Variants in FHIT observed in about 807,000 individuals in gnomAD.
FHIT encodes bis(5'-adenosyl)-triphosphatase.
A neutral mutation model predicts 17.9 loss-of-function variants in FHIT; 19 were observed. That is an observed-to-expected ratio of 1.06 (90% CI 0.74 to 1.56). FHIT has a LOEUF of 1.56. FHIT is among the 40% of genes most tolerant of loss of function. The pLI is 0.00. For missense variants in FHIT, 248 were observed against 189.2 expected (o/e 1.31, Z -1.82); for synonymous variants, 81 against 69.7 (o/e 1.16, Z -0.81).
chr3:59,784,840 T>C (rs1198799271), intron 8 of FHIT, among the ~76,000 whole-genome samples: 2 of 152,186 alleles, frequency 1.3e-5, no homozygotes, highest in Non-Finnish European at 2.9e-5. Flanking sequence ...ACTTTTACAG[T>C]TACCTTTTGT....
chr3:61,186,948 G>A (rs965786200), intron 2 of FHIT, among the ~76,000 whole-genome samples: 1 of 152,096 alleles, frequency 6.6e-6, no homozygotes, highest in Non-Finnish European at 1.5e-5. Flanking sequence ...TTTGCCTCTT[G>A]ATGTTTCCTA....
intron 2 of FHIT, among the ~76,000 whole-genome samples, chr3:61,118,933 C>T (rs1161740763): frequency 6.6e-6 from 1 of 152,100 alleles, no homozygotes; most frequent in Non-Finnish European, 1.5e-5. Flanking sequence ...TGAGGGAGAT[C>T]AAATTTCACT....
chr3:60,851,328 A>T (rs925256769), intron 3 of FHIT, among the ~76,000 whole-genome samples: 4 of 152,084 alleles, frequency 2.6e-5, no homozygotes, highest in Non-Finnish European at 4.4e-5. Flanking sequence ...TTGATCAAGG[A>T]TCAGATGAAG....
intron 3 of FHIT, among the ~76,000 whole-genome samples, chr3:60,997,431 T>C (rs540334377): frequency 6.6e-6 from 1 of 152,092 alleles, no homozygotes; most frequent in South Asian, 2.1e-4. Flanking sequence ...AAAAAAAAAA[T>C]CAGAAGATCT....
intron 3 of FHIT, among the ~76,000 whole-genome samples, chr3:60,952,611 T>C (rs1167904373): frequency 6.6e-6 from 1 of 152,092 alleles, no homozygotes; most frequent in African/African-American, 2.4e-5. Context: ...AAAGGCACAT[T>C]AAAATACAAA....
intron 5 of FHIT, among the ~76,000 whole-genome samples, chr3:60,165,041 G>A (rs561444449): frequency 3.3e-5 from 5 of 152,202 alleles, no homozygotes; most frequent in Middle Eastern, 3.4e-3. Flanking sequence ...TCACAGATCC[G>A]AAACCCAGAC....
At chr3:60,435,003 A>G (rs2030081941) in intron 5 of FHIT, among the ~76,000 whole-genome samples, 1 of 152,096 alleles carries the variant, frequency 6.6e-6, no homozygotes, top group African/African-American at 2.4e-5. Flanking sequence ...TTTATTTTAC[A>G]TTGTCTCCAA....
chr3:60,060,829 TCTTATTAATTA>T (rs1318823521), intron 5 of FHIT, among the ~76,000 whole-genome samples: 2 of 152,246 alleles, frequency 1.3e-5, no homozygotes, highest in African/African-American at 4.8e-5. Flanking sequence ...TTTTGATTTC[TCTTATTAATTA>T]CTTCTTGGAA....
chr3:60,571,363 A>G (rs867774257), intron 4 of FHIT, among the ~76,000 whole-genome samples: 2 of 139,380 alleles, frequency 1.4e-5, no homozygotes, highest in African/African-American at 5.2e-5. Context: ...AAAAAAAAAA[A>G]GAACAATGAA....
At chr3:60,559,830 A>C (rs977031750) in intron 4 of FHIT, among the ~76,000 whole-genome samples, 4 of 151,700 alleles carry the variant, frequency 2.6e-5, no homozygotes, top group Non-Finnish European at 5.9e-5. Flanking sequence ...TGTTTCTCAA[A>C]CTCCCCTTTA....
intron 3 of FHIT, among the ~76,000 whole-genome samples, chr3:61,031,242 C>G (rs1345257226): frequency 6.6e-6 from 1 of 152,174 alleles, no homozygotes; most frequent in Non-Finnish European, 1.5e-5. Flanking sequence ...TAATGATACA[C>G]AAACAAGTTA....
At chr3:61,165,039 CATTCA>C (rs972478131) in intron 2 of FHIT, among the ~76,000 whole-genome samples, 1 of 152,166 alleles carries the variant, frequency 6.6e-6, no homozygotes, top group African/African-American at 2.4e-5. Flanking sequence ...TCCAATCCAC[CATTCA>C]TAGGCACCTA....
intron 5 of FHIT, among the ~76,000 whole-genome samples, chr3:60,312,059 T>A (rs1708973146): frequency 6.6e-6 from 1 of 152,194 alleles, no homozygotes; most frequent in Non-Finnish European, 1.5e-5. Flanking sequence ...TCTGAGTACT[T>A]AGCATACAGC....
At chr3:59,881,509 C>T (rs639705) in intron 8 of FHIT, among the ~76,000 whole-genome samples, 28 of 152,186 alleles carry the variant, frequency 1.8e-4, no homozygotes, top group African/African-American at 6.0e-4. Flanking sequence ...CTGTTAGATT[C>T]TAATAGAACC....
intron 5 of FHIT, among the ~76,000 whole-genome samples, chr3:60,211,886 T>C (rs1017035186): frequency 1.3e-5 from 2 of 152,220 alleles, no homozygotes; most frequent in African/African-American, 2.4e-5. Context: ...ATCTTTTTAA[T>C]GTTCGCTTTT....
chr3:60,444,472 A>G (rs2107344683), intron 5 of FHIT, among the ~76,000 whole-genome samples: 1 of 152,322 alleles, frequency 6.6e-6, no homozygotes, highest in Middle Eastern at 3.4e-3. Flanking sequence ...AGACTGGATT[A>G]AGAAAATGTG....
chr3:60,762,399 A>C (rs1326093146), intron 4 of FHIT, among the ~76,000 whole-genome samples: 1 of 152,182 alleles, frequency 6.6e-6, no homozygotes, highest in Non-Finnish European at 1.5e-5. Flanking sequence ...CCTTTTGCCC[A>C]AGATCCTTCC....
At position 60,619,026 on chromosome 3, in the gene FHIT, C is replaced by T. The variant is rs552390796; in HGVS notation, c.-17-82047G>A. Reference sequence around the variant, plus strand: ...AGTATCATACTTCTGTCCTACAGAACCACAGGATGATAAATTTGTGTTGTT... The same window carrying T: ...AGTATCATACTTCTGTCCTACAGAATCACAGGATGATAAATTTGTGTTGTT... On this transcript the variant is annotated intron_variant, in intron 4 of 9. Transcript: ENST00000492590. Among the ~76,000 whole-genome samples, 18 of 152,108 alleles carry T rather than the reference C, an allele frequency of 1.2e-4. 1 individual carries two copies. In the South Asian group the frequency reaches 3.3e-3, roughly 28 times the overall value.
chr3:60,743,169 C>T (rs2042273663), intron 4 of FHIT, among the ~76,000 whole-genome samples: 2 of 152,332 alleles, frequency 1.3e-5, no homozygotes, highest in East Asian at 1.9e-4. Context: ...GCTGAGGTCA[C>T]ATTTTTAGGC....
Sources: gnomAD v4.1 joint callset for allele counts (sites outside exome capture counted in the v4.1 genomes callset) on GRCh38, gnomAD v4.1.1 for gene constraint, MANE v1.5 for transcripts, NCBI Gene and HGNC (gene_info 2026-07-23, HGNC 2026-07-21) for gene names.